IGF2R: variants seen among roughly 807,000 people sequenced by gnomAD.
The protein encoded by IGF2R is cation-independent mannose-6-phosphate receptor.
A neutral mutation model predicts 270.6 loss-of-function variants in IGF2R; 91 were observed. The ratio of observed to expected loss-of-function variants is 0.34; its 90% CI spans 0.28 to 0.40. The LOEUF (loss-of-function observed/expected upper bound fraction) is 0.40. IGF2R is among the 10% of genes least tolerant of loss of function. IGF2R has a pLI of 1.00. For synonymous variants in IGF2R, 1,316 were observed against 1,258.9 expected (o/e 1.05, Z -0.96); for missense variants, 2,805 against 3,188.3 (o/e 0.88, Z 2.90).
chr6:160,074,157 C>T (rs545840685), intron 35 of IGF2R, 182 bp downstream of exon 35: 17 of 592,002 alleles, frequency 2.9e-5, no homozygotes, highest in Middle Eastern at 4.5e-4. Context: ...TTGAACTGTT[C>T]GCTGATGATG....
At position 160,108,060 on chromosome 6, in the gene IGF2R, T is replaced by G. The variant is rs766910183; in HGVS notation, c.*2976T>G. The stretch of plus-strand genomic sequence containing the variant: ...TGGCGATCGGGTCACAAGGAGCCAG[T>G]GTGTGTGTCACCAGGAGGTTGTATG... On this transcript the variant is annotated 3_prime_UTR_variant, in exon 48 of 48. Coordinates refer to ENST00000356956, the MANE Select transcript of IGF2R (RefSeq NM_000876.4). The G allele has an allele frequency of 3.9e-5, 6 of 152,276 alleles. No individual in the cohort carries two copies. Among genetic ancestry groups the G allele is most frequent in the Non-Finnish European group, 7.3e-5 (5 of 68,084 alleles). The allele number at this position is 152,276 out of a possible 1,614,324, so 9.4% of individuals were successfully genotyped here.
rs1017447986 is a variant in IGF2R, at chr6:160,033,171, C to G, written c.1211+64C>G. The G allele has an allele frequency of 3.6e-5, 45 of 1,254,406 alleles. No homozygotes were observed. In the African/African-American group the frequency reaches 6.1e-4, roughly 17 times the overall value. 77.7% of individuals were successfully genotyped at this position (1,254,406 alleles called of 1,614,324 possible). On this transcript the variant is annotated intron_variant, in intron 9 of 47. Coordinates refer to ENST00000356956, the MANE Select transcript of IGF2R (RefSeq NM_000876.4). Reference sequence around the variant, plus strand: ...GTATTTCTTGAGATAGGGTTGCACTCTGGCGCCCAGGCTAGACTGCAGTGG... The same window carrying G: ...GTATTTCTTGAGATAGGGTTGCACTGTGGCGCCCAGGCTAGACTGCAGTGG...
chr6:160,044,466 T>C, intron 12 of IGF2R, 48 bp from the exon 13 acceptor site: 3 of 1,401,100 alleles, frequency 2.1e-6, no homozygotes, highest in Non-Finnish European at 3.0e-6. Context: ...GTCTGCGTGA[T>C]GATCATTTTT....
chr6:160,077,049 C>T (rs1351564969), intron 36 of IGF2R, among the ~76,000 whole-genome samples: 1 of 152,130 alleles, frequency 6.6e-6, no homozygotes, highest in African/African-American at 2.4e-5. Context: ...AGTGACCTGG[C>T]AGCCGCCTGA....
At chr6:159,989,366 G>T (rs1783941966) in intron 1 of IGF2R, among the ~76,000 whole-genome samples, 1 of 152,146 alleles carries the variant, frequency 6.6e-6, no homozygotes, top group Non-Finnish European at 1.5e-5. Flanking sequence ...TTGGTGCACT[G>T]TGGAAGGAAG....
chr6:159,989,376 G>A (rs191261630), intron 1 of IGF2R, among the ~76,000 whole-genome samples: 1 of 152,244 alleles, frequency 6.6e-6, no homozygotes, highest in East Asian at 1.9e-4. Context: ...GTGGAAGGAA[G>A]CTCTGGGAGG....
chr6:160,074,484 T>C (rs1778814867), intron 35 of IGF2R, among the ~76,000 whole-genome samples: 1 of 152,260 alleles, frequency 6.6e-6, no homozygotes, highest in Admixed American at 6.5e-5. Flanking sequence ...AGTATTGCTA[T>C]GTCACCCAGC....
intron 30 of IGF2R, among the ~76,000 whole-genome samples, chr6:160,069,399 A>C (rs1281840875): frequency 6.6e-6 from 1 of 152,132 alleles, no homozygotes; most frequent in Non-Finnish European, 1.5e-5. Context: ...TGTGCTGTGC[A>C]GACTTCGACA....
rs1166004456 is a variant in IGF2R at position 160,105,219 on chromosome 6, G to T, written c.*135G>T. 12 of 720,664 alleles carry T rather than the reference G, an allele frequency of 1.7e-5. No homozygotes were observed. In the East Asian group the frequency reaches 2.5e-4, roughly 15 times the overall value. The allele number at this position is 720,664 out of a possible 1,614,324, so 44.6% of individuals were successfully genotyped here. A position where few individuals can be genotyped will look rare whatever the true frequency, so the allele number is the denominator to read the frequency against. ...TTCAAAAGGGAAGAGTTTTTGTGAT[G>T]GGGGAGAGGGTGAAGGAGGTCAGGC... On this transcript the variant is annotated 3_prime_UTR_variant, in exon 48 of 48. Coordinates refer to ENST00000356956, the MANE Select transcript of IGF2R (RefSeq NM_000876.4).
rs68155905 is a variant in IGF2R at position 160,105,905 on chromosome 6, T to TTGTGTGTGTGTGTGTG, written c.*840_*855dup. ...CCTGCCCAAAGATTGATTTGTGTGTTTGTGTGTGTGTGTGTGTGTGTGTGT... is the reference window on the plus strand; with the variant it reads ...CCTGCCCAAAGATTGATTTGTGTGTTTGTGTGTGTGTGTGTGTGTGTGTGTGTGTGTGTGTGTGTGT... On this transcript the variant is annotated 3_prime_UTR_variant, in exon 48 of 48. Transcript: ENST00000356956. 5 of 145,884 alleles carry TTGTGTGTGTGTGTGTG rather than the reference T, an allele frequency of 3.4e-5. No individual in the cohort carries two copies. Among genetic ancestry groups the TTGTGTGTGTGTGTGTG allele is most frequent in the African/African-American group, 1.3e-4 (5 of 38,702 alleles). 9.0% of individuals were successfully genotyped at this position (145,884 alleles called of 1,614,324 possible). A position where few individuals can be genotyped will look rare whatever the true frequency, so the allele number is the denominator to read the frequency against.
rs1002631046 is a variant in IGF2R at position 160,084,770 on chromosome 6, T to A, written c.6069-225T>A. ...TCCAGGGTGGCCGCAGGTGTGGACA[T>A]TCCACTCCGCGTGTGTCTGGTTGGT... On this transcript the variant is annotated intron_variant, in intron 40 of 47. Transcript: ENST00000356956. The surrounding 1 kb of genome is among the most constrained non-coding windows in gnomAD (Gnocchi z 4.6). 5.9e-5 allele frequency among the ~76,000 whole-genome samples: 9 copies of A among 152,078 alleles called. No individual in the cohort carries two copies. The highest frequency in any genetic ancestry group is 2.6e-4 in the Admixed American group (4 of 15,278).
At chr6:159,978,057 T>C (rs1437625922) in intron 1 of IGF2R, among the ~76,000 whole-genome samples, 1 of 152,162 alleles carries the variant, frequency 6.6e-6, no homozygotes, top group Non-Finnish European at 1.5e-5. Flanking sequence ...AGGGATTTAT[T>C]TTTATAACCT....
intron 47 of IGF2R, 39 bp from the exon 48 acceptor site, chr6:160,104,635 T>G (rs751483270): frequency 6.3e-7 from 1 of 1,582,598 alleles, no homozygotes; most frequent in South Asian, 1.2e-5. Flanking sequence ...TGGGGTCTCT[T>G]AGGGGGCTCA....
At chr6:160,088,240 T>C (rs1779138054) in intron 42 of IGF2R, 93 bp downstream of exon 42, 3 of 817,726 alleles carry the variant, frequency 3.7e-6, no homozygotes, top group Admixed American at 3.8e-5. Flanking sequence ...TTTGGCTGAG[T>C]CTTAGGAGCT....
Position 160,088,101 on chromosome 6 carries a change from A to G in IGF2R, c.6274A>G (p.Ile2092Val). 6.2e-7 allele frequency: 1 copy of G among 1,614,036 alleles called. No homozygotes were observed. The highest frequency in any genetic ancestry group is 1.1e-5 in the South Asian group (1 of 91,080). ...TGGAAATAAGACCGCATCCTCCGTGATAGAATTGACCTGTACAAAGACGGT... is the reference window on the plus strand; with the variant it reads ...TGGAAATAAGACCGCATCCTCCGTGGTAGAATTGACCTGTACAAAGACGGT... Reference protein sequence around the residue: ...CGGNKTASSVIELTCTKTVGR... With the variant: ...CGGNKTASSVVELTCTKTVGR... Residue 2092 changes from isoleucine (I) to valine (V), a missense_variant, in exon 42 of 48, where the codon ATA becomes GTA. Coordinates refer to ENST00000356956, the MANE Select transcript of IGF2R (RefSeq NM_000876.4).
chr6:160,029,647 C>T lies in IGF2R; in HGVS notation c.874C>T (p.Arg292Trp), dbSNP rs200510844. The T allele has an allele frequency of 7.0e-5, 113 of 1,610,092 alleles. No individual in the cohort carries two copies. Among genetic ancestry groups the T allele is most frequent in the East Asian group, 3.1e-4 (14 of 44,854 alleles). Residue 292 changes from arginine (R) to tryptophan (W), a missense_variant, in exon 7 of 48, where the codon CGG (arginine) becomes TGG (tryptophan). Arg to Trp is a moderately radical substitution (Grantham distance 101, BLOSUM62 -3). Coordinates refer to ENST00000356956, the MANE Select transcript of IGF2R (RefSeq NM_000876.4). The part of the protein sequence containing the change: ...VTITFVCPSE[R>W]REGTIPKLTA... ...TATTACATTTGTTTGCCCGTCGGAG[C>T]GGAGAGAGGTAAGTGACTCGTCTCC... is the stretch of plus-strand genomic sequence containing the variant.
At chr6:160,082,121 C>T (rs542113145) in intron 39 of IGF2R, among the ~76,000 whole-genome samples, 53 of 152,274 alleles carry the variant, frequency 3.5e-4, no homozygotes, top group South Asian at 2.3e-3. Context: ...CAGGTCCCTC[C>T]GTTCATGGTC....
At chr6:159,980,207 G>GA (rs766815948) in intron 1 of IGF2R, among the ~76,000 whole-genome samples, 1 of 93,290 alleles carries the variant, frequency 1.1e-5, no homozygotes, top group African/African-American at 4.3e-5. Flanking sequence ...AAGAAAGAAA[G>GA]AAAGAAAGAA....
rs8191833 is a variant in IGF2R, at chr6:160,058,881, A to G, written c.2899-25A>G. 282 of 1,607,162 alleles carry G rather than the reference A, an allele frequency of 1.8e-4. 1 individual carries two copies. The East Asian group carries it at 5.9e-3, about 33-fold the overall frequency. On this transcript the variant is annotated intron_variant, in intron 21 of 47. Coordinates refer to ENST00000356956, the MANE Select transcript of IGF2R (RefSeq NM_000876.4). Reference sequence around the variant, plus strand: ...AGATACGAGGCATAAATTTGTTTGTATGGCTCTTACCGTCTGACCTGCAGT... The same window carrying G: ...AGATACGAGGCATAAATTTGTTTGTGTGGCTCTTACCGTCTGACCTGCAGT...
Sources: gnomAD v4.1 joint callset for allele counts (sites outside exome capture counted in the v4.1 genomes callset) on GRCh38, gnomAD v4.1.1 for gene constraint, Gnocchi (gnomAD v3.1) non-coding constraint, MANE v1.5 for transcripts, NCBI Gene and HGNC (gene_info 2026-07-23, HGNC 2026-07-21) for gene names.